The following NKAIN2 variants were observed in gnomAD, a reference collection of about 807,000 sequenced individuals.
NKAIN2 encodes sodium/potassium-transporting ATPase subunit beta-1-interacting protein 2.
NKAIN2 carries 14 observed loss-of-function variants against 32.6 expected under a neutral mutation model. The observed-to-expected ratio is 0.43, with a 90% confidence interval of 0.28 to 0.67. The LOEUF is 0.67. Among genes scored for constraint, NKAIN2 ranks in the 30% least tolerant of loss-of-function variants. The pLI is 0.17. For missense variants in NKAIN2, 198 were observed against 258.3 expected (o/e 0.77, Z 1.60); for synonymous variants, 80 against 87.2 (o/e 0.92, Z 0.46).
At chr6:124,593,018 G>C (rs1781965874) in intron 3 of NKAIN2, among the ~76,000 whole-genome samples, 1 of 152,058 alleles carries the variant, frequency 6.6e-6, no homozygotes, top group Non-Finnish European at 1.5e-5. Context: ...TTCTCCCACT[G>C]TTGCCCATTG....
At chr6:124,318,731 C>T (rs528031993) in intron 2 of NKAIN2, among the ~76,000 whole-genome samples, 1 of 151,500 alleles carries the variant, frequency 6.6e-6, no homozygotes, top group Admixed American at 6.6e-5. Context: ...AGAATCATAA[C>T]ACTAAGTACA....
Position 124,515,725 on chromosome 6 carries a change from C to T in NKAIN2, c.274-142461C>T, listed in dbSNP as rs185427463. Among the ~76,000 whole-genome samples, 5 of 512 alleles carry T rather than the reference C, an allele frequency of 9.8e-3. 1 individual carries two copies. The highest frequency in any genetic ancestry group is 0.013 in the Non-Finnish European group (2 of 154). 0.3% of individuals were successfully genotyped at this position (512 alleles called of 152,430 possible). The stretch of plus-strand genomic sequence containing the variant: ...TTCTTCGCTTTCTCTCCGTCTCGCT[C>T]TGTCGCCCAGGCTGGAGTGCAGTGG... On this transcript the variant is annotated intron_variant, in intron 3 of 6. Transcript: ENST00000368417.
At chr6:124,256,620 A>G (rs921957641) in intron 1 of NKAIN2, among the ~76,000 whole-genome samples, 4 of 152,084 alleles carry the variant, frequency 2.6e-5, no homozygotes, top group Non-Finnish European at 5.9e-5. Flanking sequence ...GAAAAATCTT[A>G]ATTTCCAGTC....
At chr6:124,322,494 G>C (rs2626123) in intron 2 of NKAIN2, among the ~76,000 whole-genome samples, 58,213 of 151,920 alleles carry the variant, frequency 0.38, 13,973 homozygotes, top group African/African-American at 0.68. Context: ...ATTCCACCAT[G>C]ATAAAAATAT....
intron 1 of NKAIN2, among the ~76,000 whole-genome samples, chr6:124,148,634 T>C (rs1376027586): frequency 2.0e-5 from 3 of 152,192 alleles, no homozygotes; most frequent in South Asian, 2.1e-4. Flanking sequence ...ATTCCTGTTA[T>C]AGCATGCCTC....
chr6:124,554,691 GT>G (rs1377922952), intron 3 of NKAIN2, among the ~76,000 whole-genome samples: 1 of 152,204 alleles, frequency 6.6e-6, no homozygotes, highest in Non-Finnish European at 1.5e-5. Context: ...ATGGTGTCTT[GT>G]TTTGGTTAAA....
intron 1 of NKAIN2, among the ~76,000 whole-genome samples, chr6:124,038,106 T>C (rs759665207): frequency 6.6e-6 from 1 of 152,094 alleles, no homozygotes; most frequent in Non-Finnish European, 1.5e-5. Context: ...GAATCGAGGA[T>C]AGTAAAAATG....
Position 124,490,062 on chromosome 6 carries a change from A to G in NKAIN2, c.273+134715A>G, listed in dbSNP as rs1562217359. ...ATTGTGAGGGGACTTTTATCAGTTAATATTAATATATACTGCTCTTACAGC... is the reference window on the plus strand; with the variant it reads ...ATTGTGAGGGGACTTTTATCAGTTAGTATTAATATATACTGCTCTTACAGC... On this transcript the variant is annotated intron_variant, in intron 3 of 6. Coordinates refer to ENST00000368417, the MANE Select transcript of NKAIN2 (RefSeq NM_001040214.3). Among the ~76,000 whole-genome samples, 3 of 151,974 alleles carry G rather than the reference A, an allele frequency of 2.0e-5. No individual in the cohort carries two copies. The South Asian group carries it at 6.2e-4, about 32-fold the overall frequency.
rs186390377 is a variant in NKAIN2 at position 124,108,918 on chromosome 6, C to T, written c.55-174087C>T. On this transcript the variant is annotated intron_variant, in intron 1 of 6. Coordinates refer to ENST00000368417, the MANE Select transcript of NKAIN2 (RefSeq NM_001040214.3). ...TTATATGTCTATCTTTATGCCAGTA[C>T]CATACTATTTTGATTATTTTAACAT... is the stretch of plus-strand genomic sequence containing the variant. 1.2e-3 allele frequency among the ~76,000 whole-genome samples: 184 copies of T among 152,014 alleles called. 1 individual carries two copies. Among genetic ancestry groups the T allele is most frequent in the African/African-American group, 4.3e-3 (178 of 41,514 alleles).
intron 1 of NKAIN2, among the ~76,000 whole-genome samples, chr6:124,260,636 G>C (rs554400209): frequency 2.0e-4 from 30 of 152,256 alleles, no homozygotes; most frequent in African/African-American, 7.0e-4. Flanking sequence ...CCATTTGCAG[G>C]AGGGGTTCCT....
intron 2 of NKAIN2, among the ~76,000 whole-genome samples, chr6:124,342,171 G>A (rs1798143751): frequency 1.3e-5 from 2 of 152,058 alleles, no homozygotes; most frequent in South Asian, 4.2e-4. Flanking sequence ...GGAGGCCAAG[G>A]CAGGCGGATC....
intron 1 of NKAIN2, among the ~76,000 whole-genome samples, chr6:124,201,787 G>T (rs1218461312): frequency 6.6e-6 from 1 of 151,932 alleles, no homozygotes; most frequent in East Asian, 1.9e-4. Context: ...TAAATGATCT[G>T]CCTATATTCT....
intron 2 of NKAIN2, among the ~76,000 whole-genome samples, chr6:124,332,122 T>G (rs1797684392): frequency 6.6e-6 from 1 of 152,264 alleles, no homozygotes; most frequent in East Asian, 1.9e-4. Flanking sequence ...AGTTTTTAAG[T>G]GCAAACTTTG....
chr6:124,388,019 A>G (rs1772984162), intron 3 of NKAIN2, among the ~76,000 whole-genome samples: 1 of 152,072 alleles, frequency 6.6e-6, no homozygotes, highest in Admixed American at 6.6e-5. Context: ...GTGAATAAAG[A>G]CCTGGAATGC....
chr6:124,727,102 T>G (rs200624067), intron 4 of NKAIN2, among the ~76,000 whole-genome samples: 5 of 152,058 alleles, frequency 3.3e-5, no homozygotes, highest in Non-Finnish European at 7.4e-5. Context: ...GAAAGTGAAG[T>G]GGAGAATGGA....
intron 1 of NKAIN2, among the ~76,000 whole-genome samples, chr6:123,921,222 A>C (rs949051559): frequency 5.3e-5 from 8 of 152,206 alleles, no homozygotes; most frequent in African/African-American, 1.7e-4. Flanking sequence ...CCCATCTGAA[A>C]GGCAGTCCCT....
At chr6:124,552,499 A>G (rs1018119115) in intron 3 of NKAIN2, among the ~76,000 whole-genome samples, 1 of 152,192 alleles carries the variant, frequency 6.6e-6, no homozygotes, top group African/African-American at 2.4e-5. Context: ...ATGGAGATTC[A>G]TGGTGTTTTA....
intron 1 of NKAIN2, among the ~76,000 whole-genome samples, chr6:124,159,787 CCA>C (rs1322524772): frequency 6.6e-6 from 1 of 152,010 alleles, no homozygotes; most frequent in Non-Finnish European, 1.5e-5. Flanking sequence ...ATGCCAAATG[CCA>C]GTTATGTAGA....
intron 1 of NKAIN2, among the ~76,000 whole-genome samples, chr6:124,260,090 C>A (rs1001901748): frequency 1.3e-5 from 2 of 152,168 alleles, no homozygotes; most frequent in Non-Finnish European, 2.9e-5. Flanking sequence ...CAAGTGCCTT[C>A]CATTATAACA....
Sources: gnomAD v4.1 joint callset for allele counts (sites outside exome capture counted in the v4.1 genomes callset) on GRCh38, gnomAD v4.1.1 for gene constraint, MANE v1.5 for transcripts, NCBI Gene and HGNC (gene_info 2026-07-23, HGNC 2026-07-21) for gene names.